NCALD: variants seen among roughly 807,000 people sequenced by gnomAD.
NCALD encodes the protein neurocalcin delta.
A neutral mutation model predicts 18.6 loss-of-function variants in NCALD; 10 were observed. The ratio of observed to expected loss-of-function variants is 0.54; its 90% CI spans 0.33 to 0.91. The LOEUF (loss-of-function observed/expected upper bound fraction) is 0.91. NCALD is among the 40% of genes least tolerant of loss of function. The probability of loss-of-function intolerance (pLI) is 0.03; values close to 1 mark genes in which losing one functional copy is unlikely to be tolerated. For synonymous variants in NCALD, 88 were observed against 87.4 expected, an observed-to-expected ratio of 1.01 and a Z score of -0.04; for missense variants, 184 against 247.6, an observed-to-expected ratio of 0.74 and a Z score of 1.72.
chr8:102,110,200 C>A (rs963422090), intron 1 of NCALD, among the ~76,000 whole-genome samples: 11 of 151,962 alleles, frequency 7.2e-5, no homozygotes, highest in African/African-American at 2.7e-4. Context: ...GTTATCACAA[C>A]CATATATTAC....
At chr8:102,005,095 C>A (rs1040189450) in intron 2 of NCALD, among the ~76,000 whole-genome samples, 22 of 152,208 alleles carry the variant, frequency 1.4e-4, no homozygotes, top group African/African-American at 5.1e-4. Flanking sequence ...GAACAGGCAA[C>A]CTACAAAATG....
At chr8:101,714,044 G>A (rs1259804234) in intron 2 of NCALD, among the ~76,000 whole-genome samples, 1 of 152,172 alleles carries the variant, frequency 6.6e-6, no homozygotes, top group African/African-American at 2.4e-5. Flanking sequence ...CACACCGAAT[G>A]GGCAAAAGCT....
At chr8:102,054,023 G>C (rs1176687400) in intron 1 of NCALD, among the ~76,000 whole-genome samples, 1 of 152,124 alleles carries the variant, frequency 6.6e-6, no homozygotes, top group Non-Finnish European at 1.5e-5. Flanking sequence ...TTCTAACATA[G>C]TAGAACATGT....
intron 2 of NCALD, chr8:101,694,013 T>C (rs199908931): frequency 4.5e-5 from 2 of 44,556 alleles, no homozygotes; most frequent in African/African-American, 2.6e-4. Context: ...TATCACCCCA[T>C]GCCTGTGACC....
rs117388255 is a variant in NCALD, at chr8:101,728,053, G to A, written c.-19-8405C>T. Among the ~76,000 whole-genome samples the A allele has an allele frequency of 3.5e-3, 537 of 152,248 alleles. 3 individuals carry two copies. In the East Asian group the frequency reaches 0.048, roughly 14 times the overall value. ...TTGATATTGACTGCAGATGAAAAAG[G>A]TAAAATATATCCAAAGAGAAGACAC... is the stretch of plus-strand genomic sequence containing the variant. On this transcript the variant is annotated intron_variant, in intron 1 of 3. Coordinates refer to ENST00000220931, the MANE Select transcript of NCALD (RefSeq NM_032041.3).
At chr8:102,022,242 C>A (rs1363932266) in intron 1 of NCALD, among the ~76,000 whole-genome samples, 1 of 152,154 alleles carries the variant, frequency 6.6e-6, no homozygotes, top group Non-Finnish European at 1.5e-5. Context: ...TCTGAAAGAA[C>A]AAATGGAGAC....
At chr8:101,724,988 G>A (rs149503424) in intron 1 of NCALD, among the ~76,000 whole-genome samples, 2 of 152,320 alleles carry the variant, frequency 1.3e-5, no homozygotes, top group African/African-American at 4.8e-5. Context: ...TCTACTGGGG[G>A]TGAGGCACTC....
chr8:101,873,545 C>T (rs1816104311), intron 4 of NCALD, among the ~76,000 whole-genome samples: 2 of 151,956 alleles, frequency 1.3e-5, no homozygotes. Flanking sequence ...AGGGCAAATG[C>T]AAGGTAAAAT....
At chr8:101,705,440 A>G (rs1016860437) in intron 2 of NCALD, among the ~76,000 whole-genome samples, 25 of 152,068 alleles carry the variant, frequency 1.6e-4, no homozygotes, top group African/African-American at 5.8e-4. Context: ...TGTTGTGAAG[A>G]TCGTATTTTC....
chr8:101,924,420 T>G (rs1334492136), intron 2 of NCALD, among the ~76,000 whole-genome samples: 1 of 152,182 alleles, frequency 6.6e-6, no homozygotes, highest in African/African-American at 2.4e-5. Context: ...GCACTTTACA[T>G]TTGGTTTTAA....
chr8:101,704,792 C>A (rs1202562920), intron 2 of NCALD, among the ~76,000 whole-genome samples: 1 of 151,714 alleles, frequency 6.6e-6, no homozygotes, highest in Non-Finnish European at 1.5e-5. Flanking sequence ...TGGTATCGGG[C>A]ACCTGTAATC....
intron 2 of NCALD, among the ~76,000 whole-genome samples, chr8:101,968,003 C>T (rs1820096095): frequency 6.6e-6 from 1 of 152,160 alleles, no homozygotes; most frequent in South Asian, 2.1e-4. Context: ...GAGAACAAGT[C>T]AGAGCCTCAA....
At chr8:101,996,685 G>A (rs960118282) in intron 2 of NCALD, among the ~76,000 whole-genome samples, 2 of 152,300 alleles carry the variant, frequency 1.3e-5, no homozygotes, top group African/African-American at 2.4e-5. Context: ...GAAACTAACG[G>A]TGGAAAAGGA....
intron 3 of NCALD, among the ~76,000 whole-genome samples, chr8:101,896,517 G>A (rs1351255310): frequency 6.6e-6 from 1 of 151,790 alleles, no homozygotes; most frequent in Non-Finnish European, 1.5e-5. Context: ...TGACAAATGG[G>A]ATCTAATGAA....
At chr8:101,696,860 A>G (rs1209778025) in intron 2 of NCALD, among the ~76,000 whole-genome samples, 2 of 152,186 alleles carry the variant, frequency 1.3e-5, no homozygotes, top group South Asian at 2.1e-4. Context: ...AGGATCTCAA[A>G]TCGCCACTCT....
intron 2 of NCALD, among the ~76,000 whole-genome samples, chr8:101,984,550 G>A: frequency 6.6e-6 from 1 of 152,154 alleles, no homozygotes; most frequent in Non-Finnish European, 1.5e-5. Flanking sequence ...AGAAACTTAG[G>A]AGGCCAATAA....
intron 1 of NCALD, among the ~76,000 whole-genome samples, chr8:102,111,171 G>A (rs1412906387): frequency 6.6e-6 from 1 of 152,080 alleles, no homozygotes; most frequent in African/African-American, 2.4e-5. Flanking sequence ...CAATGATACA[G>A]AGGGAACAGC....
chr8:101,836,334 A>T (rs1204156949), intron 4 of NCALD, among the ~76,000 whole-genome samples: 1 of 152,212 alleles, frequency 6.6e-6, no homozygotes, highest in Non-Finnish European at 1.5e-5. Context: ...CAATGAAATA[A>T]GCCAAAATAA....
chr8:101,899,845 T>A (rs1374021923), intron 3 of NCALD, among the ~76,000 whole-genome samples: 1 of 151,924 alleles, frequency 6.6e-6, no homozygotes, highest in African/African-American at 2.4e-5. Flanking sequence ...TTTATTGTGC[T>A]TTTTCTAGTT....
Sources: gnomAD v4.1 joint callset for allele counts (sites outside exome capture counted in the v4.1 genomes callset) on GRCh38, gnomAD v4.1.1 for gene constraint, MANE v1.5 for transcripts, NCBI Gene and HGNC (gene_info 2026-07-23, HGNC 2026-07-21) for gene names.